The following TNR variants were observed in gnomAD, a reference collection of about 807,000 sequenced individuals.
TNR encodes tenascin-R.
TNR carries 45 observed loss-of-function variants against 150.4 expected under a neutral mutation model. That is an observed-to-expected ratio of 0.30 (90% CI 0.24 to 0.38). TNR has a LOEUF of 0.38. Among genes scored for constraint, TNR ranks in the 10% least tolerant of loss-of-function variants. The pLI, the probability that TNR is intolerant of heterozygous loss-of-function variation, is 1.00. For synonymous variants in TNR, 687 were observed against 678.4 expected (o/e 1.01, Z -0.20); for missense variants, 1,544 against 1,759.1 (o/e 0.88, Z 2.19).
chr1:175,698,717 A>C (rs1029446190), intron 1 of TNR, among the ~76,000 whole-genome samples: 1 of 151,984 alleles, frequency 6.6e-6, no homozygotes, highest in African/African-American at 2.4e-5. Flanking sequence ...GGCAGGCACC[A>C]GTAATCCCTC....
At position 175,589,993 on chromosome 1, in the gene TNR, T is replaced by C. The variant is rs191817403; in HGVS notation, c.-164-61624A>G. On this transcript the variant is annotated intron_variant, in intron 1 of 22. Transcript: ENST00000367674. ...CACATGTATCCCAGAACCTAAAGTA[T>C]AATAATAATAAAAAAAAGACAGAAT... Among the ~76,000 whole-genome samples the C allele has an allele frequency of 3.2e-3, 483 of 151,952 alleles. 4 individuals are homozygous for C. Among genetic ancestry groups the C allele is most frequent in the Middle Eastern group, 0.01 (3 of 294 alleles).
chr1:175,570,446 G>A (rs977199289), intron 1 of TNR, among the ~76,000 whole-genome samples: 2 of 152,152 alleles, frequency 1.3e-5, no homozygotes, highest in African/African-American at 4.8e-5. Context: ...GTGTTCATGT[G>A]CAGGGTAGAC....
At chr1:175,450,671 G>A (rs1170454210) in intron 2 of TNR, among the ~76,000 whole-genome samples, 1 of 152,256 alleles carries the variant, frequency 6.6e-6, no homozygotes, top group Non-Finnish European at 1.5e-5. Flanking sequence ...TAAGTGCTCA[G>A]CACATTTTGT....
intron 2 of TNR, among the ~76,000 whole-genome samples, chr1:175,475,382 C>A (rs187365901): frequency 8.5e-5 from 13 of 152,218 alleles, no homozygotes; most frequent in Admixed American, 5.9e-4. Flanking sequence ...TTGGTTATGC[C>A]CTTTCATGAG....
chr1:175,613,584 C>T (rs1470102548), intron 1 of TNR, among the ~76,000 whole-genome samples: 5 of 151,906 alleles, frequency 3.3e-5, no homozygotes, highest in Admixed American at 3.3e-4. Context: ...CCCTCTGATT[C>T]CAGAGGACCT....
chr1:175,556,012 T>C lies in TNR; in HGVS notation c.-164-27643A>G, dbSNP rs1054664767. On this transcript the variant is annotated intron_variant, in intron 1 of 22. Transcript: ENST00000367674. Reference sequence around the variant, plus strand: ...CCTGCTCCACCCCTGGATACTTATATAGAATAATCATGTAGAAATTATTGA... The same window carrying C: ...CCTGCTCCACCCCTGGATACTTATACAGAATAATCATGTAGAAATTATTGA... Among the ~76,000 whole-genome samples the C allele has an allele frequency of 6.6e-5, 10 of 152,364 alleles. No individual in the cohort carries two copies. The East Asian group carries it at 1.5e-3, about 24-fold the overall frequency.
At chr1:175,631,401 C>T (rs937722607) in intron 1 of TNR, among the ~76,000 whole-genome samples, 1 of 152,208 alleles carries the variant, frequency 6.6e-6, no homozygotes, top group Non-Finnish European at 1.5e-5. Context: ...CAATCCTTGG[C>T]CCACATGGCC....
At chr1:175,463,072 C>A (rs1018421251) in intron 2 of TNR, among the ~76,000 whole-genome samples, 5 of 152,318 alleles carry the variant, frequency 3.3e-5, no homozygotes, top group East Asian at 1.9e-4. Context: ...GGGGCCAGAG[C>A]AGAAGGTCAG....
chr1:175,642,966 G>A (rs1299454547), intron 1 of TNR, among the ~76,000 whole-genome samples: 1 of 152,136 alleles, frequency 6.6e-6, no homozygotes, highest in East Asian at 1.9e-4. Flanking sequence ...TATATAATAT[G>A]TAAAAGCAAG....
intron 1 of TNR, among the ~76,000 whole-genome samples, chr1:175,567,645 G>A (rs1661695637): frequency 6.6e-6 from 1 of 152,206 alleles, no homozygotes; most frequent in Non-Finnish European, 1.5e-5. Context: ...GTGGAAGAGA[G>A]TGGGGAGTGA....
Position 175,424,772 on chromosome 1 carries a change from G to A in TNR, c.-63-17995C>T, listed in dbSNP as rs190013067. Among the ~76,000 whole-genome samples, 44 of 152,268 alleles carry A rather than the reference G, an allele frequency of 2.9e-4. No homozygotes were observed. The East Asian group carries it at 4.1e-3, about 14-fold the overall frequency. On this transcript the variant is annotated intron_variant, in intron 2 of 22. Transcript: ENST00000367674. Reference sequence around the variant, plus strand: ...CTCTACCCAGCACCAGCCAGTTGCCGCCAGAGTATCAGAAGCTTCAAAGTG... The same window carrying A: ...CTCTACCCAGCACCAGCCAGTTGCCACCAGAGTATCAGAAGCTTCAAAGTG...
intron 1 of TNR, among the ~76,000 whole-genome samples, chr1:175,738,481 A>C (rs1313358356): frequency 1.3e-5 from 2 of 152,218 alleles, no homozygotes; most frequent in African/African-American, 4.8e-5. Flanking sequence ...AGGTTCATAG[A>C]GACAGGAAGA....
chr1:175,398,814 A>G (rs1028468033), intron 4 of TNR, among the ~76,000 whole-genome samples: 5 of 152,332 alleles, frequency 3.3e-5, no homozygotes, highest in Admixed American at 1.3e-4. Flanking sequence ...CACAGTCTAT[A>G]AACTATTTTC....
intron 17 of TNR, 111 bp from the exon 18 acceptor site, chr1:175,354,634 G>A: frequency 5.1e-6 from 7 of 1,383,760 alleles, no homozygotes; most frequent in Non-Finnish European, 7.0e-6. Context: ...GTATTGCAAT[G>A]GCCATTGTCA....
At chr1:175,621,981 C>T (rs956685260) in intron 1 of TNR, among the ~76,000 whole-genome samples, 11 of 152,154 alleles carry the variant, frequency 7.2e-5, no homozygotes, top group East Asian at 3.8e-4. Flanking sequence ...GGTTTAGTTC[C>T]GTCTCTTTGA....
At chr1:175,533,301 T>C (rs1660146342) in intron 1 of TNR, among the ~76,000 whole-genome samples, 1 of 152,206 alleles carries the variant, frequency 6.6e-6, no homozygotes, top group Non-Finnish European at 1.5e-5. Flanking sequence ...AGGTAATATA[T>C]GTAAAAGTCG....
rs79484309 is a variant in TNR at position 175,603,439 on chromosome 1, C to T, written c.-164-75070G>A. The stretch of plus-strand genomic sequence containing the variant: ...TTAATAGAGAAATTTTTTCAAGTTG[C>T]GAGGGGACTAATCCTTCCTTCTACT... On this transcript the variant is annotated intron_variant, in intron 1 of 22. Transcript: ENST00000367674. Among the ~76,000 whole-genome samples the T allele has an allele frequency of 1.4e-3, 210 of 152,222 alleles. 1 individual carries two copies. Among genetic ancestry groups the T allele is most frequent in the African/African-American group, 4.2e-3 (174 of 41,528 alleles).
At chr1:175,366,387 C>T (rs1428008521) in intron 10 of TNR, among the ~76,000 whole-genome samples, 3 of 152,230 alleles carry the variant, frequency 2.0e-5, no homozygotes, top group African/African-American at 4.8e-5. Flanking sequence ...GCATCCACCT[C>T]TGGGACAAAG....
intron 1 of TNR, among the ~76,000 whole-genome samples, chr1:175,733,669 G>T (rs908744392): frequency 6.6e-6 from 1 of 152,128 alleles, no homozygotes; most frequent in Non-Finnish European, 1.5e-5. Flanking sequence ...GACTGATAGT[G>T]GTCTCCTCCC....
Sources: allele counts gnomAD v4.1 joint callset (sites outside exome capture counted in the v4.1 genomes callset), GRCh38; gene constraint gnomAD v4.1.1; transcripts MANE v1.5; gene names NCBI Gene and HGNC (gene_info 2026-07-23, HGNC 2026-07-21).